The following WIPF2 variants were observed in gnomAD, a reference collection of about 807,000 sequenced individuals.
The protein encoded by WIPF2 is WAS/WASL-interacting protein family member 2.
In WIPF2, 23 loss-of-function variants were observed where a neutral mutation model predicts 38.8. The ratio of observed to expected loss-of-function variants is 0.59; its 90% CI spans 0.43 to 0.84. The LOEUF (loss-of-function observed/expected upper bound fraction) is 0.84, where lower values mean the gene tolerates loss of function less well. Among genes scored for constraint, WIPF2 ranks in the 40% least tolerant of loss-of-function variants. The pLI is 0.00. For missense variants in WIPF2, 574 were observed against 580.5 expected (o/e 0.99, Z 0.11); for synonymous variants, 210 against 223.2 (o/e 0.94, Z 0.53).
rs1292631163 is a variant in WIPF2 at position 40,248,760 on chromosome 17, G to A, written c.-69-7631G>A. Among the ~76,000 whole-genome samples, 4 of 152,320 alleles carry A rather than the reference G, an allele frequency of 2.6e-5. No homozygotes were observed. In the South Asian group the frequency reaches 8.3e-4, roughly 32 times the overall value. On this transcript the variant is annotated intron_variant, in intron 1 of 7. Coordinates refer to ENST00000323571, the MANE Select transcript of WIPF2 (RefSeq NM_133264.5). ...TGTCTTCTCCTTAGATTATCTGGGAGATAGAGTAGTCAAAGCTGTTGTGGT... is the reference window on the plus strand; with the variant it reads ...TGTCTTCTCCTTAGATTATCTGGGAAATAGAGTAGTCAAAGCTGTTGTGGT...
chr17:40,219,726 T>C (rs199736705), intron 1 of WIPF2: 1 of 146,218 alleles, frequency 6.8e-6, no homozygotes, highest in East Asian at 2.0e-4. Context: ...TGGGGAGGAG[T>C]GGTCGAATAT....
intron 1 of WIPF2, among the ~76,000 whole-genome samples, chr17:40,246,231 C>T (rs762325200): frequency 2.0e-5 from 3 of 150,778 alleles, no homozygotes; most frequent in East Asian, 1.9e-4. Flanking sequence ...GGATTACAGG[C>T]GCGCACCACC....
chr17:40,225,291 C>G (rs2030432225), intron 1 of WIPF2, among the ~76,000 whole-genome samples: 1 of 147,266 alleles, frequency 6.8e-6, no homozygotes, highest in South Asian at 2.1e-4. Context: ...GAACTACAGG[C>G]TAAATTTATG....
chr17:40,225,746 G>C (rs1567707886), intron 1 of WIPF2, among the ~76,000 whole-genome samples: 2 of 151,998 alleles, frequency 1.3e-5, no homozygotes, highest in African/African-American at 4.8e-5. Flanking sequence ...ACCTCCCCAG[G>C]CTCAGGCTCA....
chr17:40,241,859 C>T (rs184305940), intron 1 of WIPF2, among the ~76,000 whole-genome samples: 2 of 152,240 alleles, frequency 1.3e-5, no homozygotes, highest in Non-Finnish European at 2.9e-5. Context: ...CTTTTGCTGC[C>T]AGTCTGTAAA....
intron 5 of WIPF2, 64 bp downstream of exon 5, chr17:40,265,210 C>T (rs2032049776): frequency 6.6e-7 from 1 of 1,512,608 alleles, no homozygotes; most frequent in African/African-American, 1.4e-5. Context: ...TTCCCCAGAG[C>T]ACTCCTTGAA....
intron 1 of WIPF2, among the ~76,000 whole-genome samples, chr17:40,246,120 A>G (rs1224159493): frequency 7.8e-6 from 1 of 127,690 alleles, no homozygotes; most frequent in Non-Finnish European, 1.6e-5. Flanking sequence ...CCTGAGTCTC[A>G]CTGTTGCCCA....
At chr17:40,248,875 T>TAA (rs2031463774) in intron 1 of WIPF2, among the ~76,000 whole-genome samples, 2 of 152,216 alleles carry the variant, frequency 1.3e-5, no homozygotes, top group African/African-American at 4.8e-5. Flanking sequence ...TAATTAAACA[T>TAA]ATATTGAAGA....
At position 40,282,495 on chromosome 17, in the gene WIPF2, A is replaced by G. The variant is rs1423120332; in HGVS notation, c.*4270A>G. 6.6e-6 allele frequency: 1 copy of G among 152,210 alleles called. No homozygotes were observed. Among genetic ancestry groups the G allele is most frequent in the Non-Finnish European group, 1.5e-5 (1 of 68,038 alleles). 9.4% of individuals were successfully genotyped at this position (152,210 alleles called of 1,614,324 possible). ...TGTGTGTTCATCTGTCTGCATGTGGATCAATTTCTTTTAGAAAATAATTTA... is the reference window on the plus strand; with the variant it reads ...TGTGTGTTCATCTGTCTGCATGTGGGTCAATTTCTTTTAGAAAATAATTTA... On this transcript the variant is annotated 3_prime_UTR_variant, in exon 8 of 8. Coordinates refer to ENST00000323571, the MANE Select transcript of WIPF2 (RefSeq NM_133264.5).
At chr17:40,255,628 ATTTTTTTTT>A (rs1174598826) in intron 1 of WIPF2, among the ~76,000 whole-genome samples, 1 of 129,378 alleles carries the variant, frequency 7.7e-6, no homozygotes. Context: ...CCCGGCCTAA[ATTTTTTTTT>A]TTTTTTTTTG....
intron 4 of WIPF2, among the ~76,000 whole-genome samples, 164 bp from the exon 5 acceptor site, chr17:40,264,326 C>CAAAAAAAAAAA (rs772320240): frequency 8.3e-5 from 2 of 23,960 alleles, no homozygotes; most frequent in East Asian, 1.6e-3. Context: ...AACTTCGTCT[C>CAAAAAAAAAAA]AAAAAAAAAA....
At chr17:40,274,197 A>G (rs983877972) in intron 6 of WIPF2, among the ~76,000 whole-genome samples, 198 bp downstream of exon 6, 6 of 152,206 alleles carry the variant, frequency 3.9e-5, no homozygotes, top group Admixed American at 2.6e-4. Context: ...AATTCTAAGC[A>G]TGGATGCTTT....
intron 1 of WIPF2, among the ~76,000 whole-genome samples, chr17:40,231,938 T>TC (rs202179321): frequency 0.1 from 14,749 of 147,782 alleles, 871 homozygotes; most frequent in East Asian, 0.28. Context: ...TTTCTTTCTT[T>TC]TTTTTTTTTT....
chr17:40,264,862 C>G lies in WIPF2; in HGVS notation c.686C>G (p.Pro229Arg), dbSNP rs1403624016. 4 of 1,614,218 alleles carry G rather than the reference C, an allele frequency of 2.5e-6. No homozygotes were observed. The highest frequency in any genetic ancestry group is 2.5e-6 in the Non-Finnish European group (3 of 1,180,046). ...CGAGAGGGACCTCCTGCTCCACCCC[C>G]AGTCAAACCACCTCCTTCCCCTGTG... Reference protein sequence around the residue: ...PGREGPPAPPPVKPPPSPVNI... With the variant: ...PGREGPPAPPRVKPPPSPVNI... Residue 229 changes from proline (P) to arginine (R), a missense_variant, in exon 5 of 8, where the codon CCA becomes CGA. Coordinates refer to ENST00000323571, the MANE Select transcript of WIPF2 (RefSeq NM_133264.5).
At chr17:40,228,928 C>T (rs953219223) in intron 1 of WIPF2, among the ~76,000 whole-genome samples, 3 of 151,578 alleles carry the variant, frequency 2.0e-5, no homozygotes, top group Admixed American at 1.3e-4. Context: ...CTTCCACTTA[C>T]GGTGGAAGAC....
chr17:40,236,599 C>T (rs895247694), intron 1 of WIPF2, among the ~76,000 whole-genome samples: 9 of 148,272 alleles, frequency 6.1e-5, no homozygotes, highest in African/African-American at 2.2e-4. Context: ...AGCTGCCTCA[C>T]TCAGCCTCTT....
chr17:40,245,424 C>T (rs1413254224), intron 1 of WIPF2, among the ~76,000 whole-genome samples: 1 of 151,726 alleles, frequency 6.6e-6, no homozygotes, highest in Non-Finnish European at 1.5e-5. Context: ...CTTACTGCAA[C>T]CTCCACCTCC....
At chr17:40,248,576 C>T (rs546618587) in intron 1 of WIPF2, among the ~76,000 whole-genome samples, 37 of 152,308 alleles carry the variant, frequency 2.4e-4, no homozygotes, top group African/African-American at 8.9e-4. Flanking sequence ...GCTGGGATTG[C>T]AGGCTTGAGC....
intron 1 of WIPF2, among the ~76,000 whole-genome samples, chr17:40,239,111 G>A (rs903348122): frequency 4.0e-5 from 6 of 148,858 alleles, no homozygotes; most frequent in African/African-American, 1.2e-4. Context: ...TCGCTCTGTC[G>A]CCCAGGCTGG....
Sources: allele counts gnomAD v4.1 joint callset (sites outside exome capture counted in the v4.1 genomes callset), GRCh38; gene constraint gnomAD v4.1.1; transcripts MANE v1.5; gene names NCBI Gene and HGNC (gene_info 2026-07-23, HGNC 2026-07-21).